The following TMC1 variants were observed in gnomAD, a reference collection of about 807,000 sequenced individuals.
TMC1 encodes the protein transmembrane channel-like protein 1.
Under a neutral mutation model 105.8 loss-of-function variants are expected in TMC1, and 84 were observed. The observed-to-expected ratio is 0.79, with a 90% CI of 0.67 to 0.95. The LOEUF (loss-of-function observed/expected upper bound fraction) is 0.95. Ranked by LOEUF, TMC1 falls within the 40% of genes least tolerant of loss-of-function variation. TMC1 has a pLI of 0.00. For synonymous variants in TMC1, 315 were observed against 311.5 expected (o/e 1.01, Z -0.12); for missense variants, 817 against 914.1 (o/e 0.89, Z 1.37).
intron 2 of TMC1, among the ~76,000 whole-genome samples, chr9:72,590,571 C>T (rs1213369536): frequency 2.0e-5 from 3 of 152,148 alleles, no homozygotes; most frequent in Non-Finnish European, 4.4e-5. Flanking sequence ...AAAATGGGAA[C>T]ACTAATTAAT....
chr9:72,574,893 A>G (rs1295074013), intron 1 of TMC1, among the ~76,000 whole-genome samples: 1 of 152,058 alleles, frequency 6.6e-6, no homozygotes, highest in African/African-American at 2.4e-5. Context: ...ATCTGTCTCC[A>G]CCATAAAGCT....
intron 2 of TMC1, among the ~76,000 whole-genome samples, chr9:72,590,220 G>T (rs554419504): frequency 3.3e-5 from 5 of 152,190 alleles, no homozygotes; most frequent in Non-Finnish European, 7.3e-5. Context: ...GTATTTGACC[G>T]TTTGATCTCT....
rs748769097 is a variant in TMC1, at chr9:72,838,233, G to C, written c.*2260G>C. The C allele has an allele frequency of 1.3e-5, 2 of 152,224 alleles. No individual in the cohort carries two copies. Among genetic ancestry groups the C allele is most frequent in the Non-Finnish European group, 2.9e-5 (2 of 68,038 alleles). The allele number at this position is 152,224 out of a possible 1,614,324, so 9.4% of individuals were successfully genotyped here. The stretch of plus-strand genomic sequence containing the variant: ...AATGGATTATCTGTTGATAGGCTGA[G>C]TTTATTGTTTAATTAGATTATAATG... On this transcript the variant is annotated 3_prime_UTR_variant, in exon 24 of 24. Coordinates refer to ENST00000297784, the MANE Select transcript of TMC1 (RefSeq NM_138691.3).
At chr9:72,601,174 A>ACG (rs1824805891) in intron 2 of TMC1, among the ~76,000 whole-genome samples, 2 of 133,962 alleles carry the variant, frequency 1.5e-5, no homozygotes, top group African/African-American at 6.4e-5. Flanking sequence ...GTTTCTACAC[A>ACG]CACACACACA....
At chr9:72,572,410 G>A (rs1240796120) in intron 1 of TMC1, among the ~76,000 whole-genome samples, 1 of 151,942 alleles carries the variant, frequency 6.6e-6, no homozygotes, top group African/African-American at 2.4e-5. Context: ...GGCCAGGCTG[G>A]TCTTGAACTG....
intron 18 of TMC1, among the ~76,000 whole-genome samples, chr9:72,810,336 C>T (rs1828680088): frequency 6.6e-6 from 1 of 152,018 alleles, no homozygotes. Flanking sequence ...AAATCATGGT[C>T]CTTTCTACTG....
intron 4 of TMC1, among the ~76,000 whole-genome samples, chr9:72,631,623 G>T (rs560600736): frequency 2.0e-5 from 3 of 152,232 alleles, no homozygotes; most frequent in Middle Eastern, 6.9e-3. Flanking sequence ...AAATATATGA[G>T]GTTCTTGAAT....
chr9:72,811,732 A>T (rs1028598735), intron 18 of TMC1, among the ~76,000 whole-genome samples: 5 of 152,154 alleles, frequency 3.3e-5, no homozygotes, highest in African/African-American at 1.2e-4. Flanking sequence ...CCGAACAGCG[A>T]TGGGAGACTT....
intron 2 of TMC1, among the ~76,000 whole-genome samples, chr9:72,610,367 A>G (rs552955315): frequency 4.3e-4 from 66 of 152,302 alleles, no homozygotes; most frequent in African/African-American, 1.6e-3. Flanking sequence ...TCGGCAAGCT[A>G]GAGACCCAGG....
chr9:72,613,379 G>T (rs1248188232), intron 2 of TMC1, among the ~76,000 whole-genome samples: 2 of 151,994 alleles, frequency 1.3e-5, no homozygotes, highest in Non-Finnish European at 2.9e-5. Context: ...ACCTGCCTCG[G>T]CCTTCCAAAG....
At chr9:72,714,035 C>G (rs1297061550) in intron 8 of TMC1, among the ~76,000 whole-genome samples, 1 of 152,124 alleles carries the variant, frequency 6.6e-6, no homozygotes, top group Non-Finnish European at 1.5e-5. Flanking sequence ...ACCCAGTAGT[C>G]ATTTAGGAAC....
intron 1 of TMC1, among the ~76,000 whole-genome samples, chr9:72,522,354 G>A (rs1226242870): frequency 6.6e-6 from 1 of 152,164 alleles, no homozygotes; most frequent in Non-Finnish European, 1.5e-5. Flanking sequence ...GCCCGCCTCA[G>A]CCTCCCAAAG....
intron 1 of TMC1, among the ~76,000 whole-genome samples, chr9:72,575,239 T>TGGG (rs1239954106): frequency 2.0e-5 from 3 of 152,208 alleles, no homozygotes; most frequent in Non-Finnish European, 2.9e-5. Context: ...TGGAGTGCAA[T>TGGG]GCGTGATCTC....
chr9:72,676,802 C>T (rs534661907), intron 5 of TMC1, among the ~76,000 whole-genome samples: 9 of 152,124 alleles, frequency 5.9e-5, no homozygotes, highest in African/African-American at 1.9e-4. Context: ...TCTCCATGGC[C>T]GTGATCTTGA....
At chr9:72,746,486 G>A (rs1406046996) in intron 10 of TMC1, among the ~76,000 whole-genome samples, 3 of 152,172 alleles carry the variant, frequency 2.0e-5, no homozygotes, top group Non-Finnish European at 4.4e-5. Flanking sequence ...AAGAGGAGCT[G>A]TTGCCTTCCA....
chr9:72,692,448 C>T (rs909833035), intron 6 of TMC1, among the ~76,000 whole-genome samples: 1 of 152,160 alleles, frequency 6.6e-6, no homozygotes, highest in Non-Finnish European at 1.5e-5. Context: ...CCGAATTTCT[C>T]ACGAAGGGAG....
chr9:72,660,903 A>C (rs955397722), intron 5 of TMC1, among the ~76,000 whole-genome samples: 1 of 152,094 alleles, frequency 6.6e-6, no homozygotes, highest in Non-Finnish European at 1.5e-5. Flanking sequence ...TTATACGAGA[A>C]CGTATGGGAG....
At chr9:72,700,403 C>T (rs559717525) in intron 7 of TMC1, 115 bp from the exon 8 acceptor site, 1 of 759,442 alleles carries the variant, frequency 1.3e-6, no homozygotes, top group Non-Finnish European at 2.1e-6. Context: ...CTAATGTTGA[C>T]TGCATATGGT....
intron 1 of TMC1, among the ~76,000 whole-genome samples, chr9:72,552,695 T>G (rs1222959077): frequency 6.6e-6 from 1 of 152,184 alleles, no homozygotes; most frequent in Non-Finnish European, 1.5e-5. Flanking sequence ...GATAGTTACC[T>G]GGGATTACTT....
Sources: gnomAD v4.1 joint callset for allele counts (sites outside exome capture counted in the v4.1 genomes callset) on GRCh38, gnomAD v4.1.1 for gene constraint, MANE v1.5 for transcripts, NCBI Gene and HGNC (gene_info 2026-07-23, HGNC 2026-07-21) for gene names.